TDRD3: variants seen among roughly 807,000 people sequenced by gnomAD.
TDRD3 encodes the protein tudor domain containing 3.
In TDRD3, 45 loss-of-function variants were observed where a neutral mutation model predicts 86.7. The observed-to-expected ratio is 0.52, with a 90% CI of 0.41 to 0.67. The LOEUF is 0.67. TDRD3 is among the 30% of genes least tolerant of loss of function. The probability of loss-of-function intolerance (pLI) is 0.00; values close to 1 mark genes in which losing one functional copy is unlikely to be tolerated. For synonymous variants in TDRD3, 298 were observed against 301.7 expected, an observed-to-expected ratio of 0.99 and a Z score of 0.13; for missense variants, 814 against 889.0, an observed-to-expected ratio of 0.92 and a Z score of 1.07.
intron 10 of TDRD3, among the ~76,000 whole-genome samples, chr13:60,518,663 C>T (rs1040449454): frequency 3.9e-5 from 6 of 152,078 alleles, no homozygotes; most frequent in Admixed American, 2.6e-4. Context: ...TAGGTATGTG[C>T]GAGTTCTAGG....
intron 5 of TDRD3, among the ~76,000 whole-genome samples, chr13:60,475,068 G>A (rs1956156187): frequency 6.6e-6 from 1 of 151,578 alleles, no homozygotes; most frequent in Non-Finnish European, 1.5e-5. Context: ...CTACTTTTAA[G>A]TCTTTTCCTT....
intron 4 of TDRD3, chr13:60,461,172 G>T (rs1955795018): frequency 6.6e-6 from 1 of 152,084 alleles, no homozygotes; most frequent in African/African-American, 2.4e-5. Context: ...TTTCATCCTT[G>T]ACAGTTCAGT....
intron 1 of TDRD3, among the ~76,000 whole-genome samples, chr13:60,417,424 C>T (rs1299447661): frequency 6.6e-6 from 1 of 151,382 alleles, no homozygotes; most frequent in African/African-American, 2.4e-5. Flanking sequence ...TCACTGCAAC[C>T]TTTGCCTCCT....
chr13:60,453,962 T>G (rs2138022621), intron 3 of TDRD3, among the ~76,000 whole-genome samples: 1 of 152,306 alleles, frequency 6.6e-6, no homozygotes. Context: ...AGCACTGATT[T>G]AACTATACTC....
At chr13:60,532,717 G>A (rs1032825243) in intron 11 of TDRD3, among the ~76,000 whole-genome samples, 1 of 152,050 alleles carries the variant, frequency 6.6e-6, no homozygotes, top group African/African-American at 2.4e-5. Context: ...TCTTCTTCCT[G>A]TAGACTGCTA....
At chr13:60,491,131 A>AAAG (rs895013757) in intron 7 of TDRD3, among the ~76,000 whole-genome samples, 1 of 151,694 alleles carries the variant, frequency 6.6e-6, no homozygotes, top group Non-Finnish European at 1.5e-5. Flanking sequence ...AAAAAAAAAA[A>AAAG]AAGAAGAAGA....
intron 7 of TDRD3, among the ~76,000 whole-genome samples, chr13:60,491,474 G>A (rs1956587252): frequency 6.6e-6 from 1 of 152,176 alleles, no homozygotes; most frequent in Non-Finnish European, 1.5e-5. Flanking sequence ...ACTTCAATTT[G>A]AACTTAGAGC....
chr13:60,546,919 G>T (rs1156342199), intron 12 of TDRD3, among the ~76,000 whole-genome samples: 3 of 151,906 alleles, frequency 2.0e-5, no homozygotes, highest in Admixed American at 1.3e-4. Context: ...TCAACATGTC[G>T]CACTGGCTAT....
intron 10 of TDRD3, among the ~76,000 whole-genome samples, chr13:60,515,632 C>G (rs921871088): frequency 3.9e-5 from 6 of 152,152 alleles, no homozygotes; most frequent in African/African-American, 1.4e-4. Context: ...GTGTTACTTT[C>G]TCTTGTTGAC....
At chr13:60,456,575 A>T (rs1955675986) in intron 3 of TDRD3, among the ~76,000 whole-genome samples, 1 of 152,034 alleles carries the variant, frequency 6.6e-6, no homozygotes, top group African/African-American at 2.4e-5. Context: ...GGTGATCAAG[A>T]TTAATCCTTT....
chr13:60,428,504 A>G (rs1004958366), intron 1 of TDRD3, among the ~76,000 whole-genome samples: 3 of 152,190 alleles, frequency 2.0e-5, no homozygotes, highest in Non-Finnish European at 4.4e-5. Context: ...GAGGCATGCA[A>G]AATTAATTTT....
chr13:60,564,708 A>G (rs1595127649), intron 12 of TDRD3, among the ~76,000 whole-genome samples: 1 of 152,182 alleles, frequency 6.6e-6, no homozygotes, highest in Admixed American at 6.5e-5. Context: ...AAATGTTTGT[A>G]AACTATGAAA....
chr13:60,397,815 C>T (rs1953974371), intron 1 of TDRD3, among the ~76,000 whole-genome samples: 1 of 151,926 alleles, frequency 6.6e-6, no homozygotes, highest in South Asian at 2.1e-4. Context: ...GGGCTGGGAA[C>T]GAAGTGCGGC....
chr13:60,466,259 C>T (rs1423054434), intron 4 of TDRD3, among the ~76,000 whole-genome samples: 4 of 152,040 alleles, frequency 2.6e-5, no homozygotes, highest in African/African-American at 9.7e-5. Context: ...CAGATATCTT[C>T]TGTATTGAAA....
intron 13 of TDRD3, 138 bp from the exon 14 acceptor site, chr13:60,573,478 T>G: frequency 2.3e-6 from 1 of 439,612 alleles, no homozygotes; most frequent in African/African-American, 2.1e-5. Context: ...ATTAGCAGTA[T>G]CCAAAATTCT....
intron 1 of TDRD3, among the ~76,000 whole-genome samples, chr13:60,406,049 G>A (rs561938607): frequency 1.2e-4 from 19 of 152,266 alleles, no homozygotes; most frequent in African/African-American, 4.6e-4. Context: ...GAAGACGGTC[G>A]CATTTTTGGG....
chr13:60,474,195 C>T (rs999823807), intron 5 of TDRD3, among the ~76,000 whole-genome samples: 2 of 152,188 alleles, frequency 1.3e-5, no homozygotes, highest in South Asian at 2.1e-4. Flanking sequence ...TCTCTCTCTC[C>T]GCCTTGGCTG....
chr13:60,573,567 A>C, intron 13 of TDRD3, 49 bp from the exon 14 acceptor site: 7 of 973,982 alleles, frequency 7.2e-6, no homozygotes, highest in Non-Finnish European at 8.5e-6. Context: ...AGTATGGAAA[A>C]GTTAATTTGA....
At chr13:60,567,388 C>T in intron 12 of TDRD3, 137 bp from the exon 13 acceptor site, 1 of 1,027,822 alleles carries the variant, frequency 9.7e-7, no homozygotes, top group African/African-American at 1.7e-5. Context: ...TTGCCTCCCT[C>T]TGTTGTAAAA....
Sources: gnomAD v4.1 joint callset for allele counts (sites outside exome capture counted in the v4.1 genomes callset) on GRCh38, gnomAD v4.1.1 for gene constraint, MANE v1.5 for transcripts, NCBI Gene and HGNC (gene_info 2026-07-23, HGNC 2026-07-21) for gene names.